MET: variants seen among roughly 807,000 people sequenced by gnomAD.
MET encodes MET proto-oncogene, receptor tyrosine kinase.
Under a neutral mutation model 133.1 loss-of-function variants are expected in MET, and 48 were observed. That is an observed-to-expected ratio of 0.36 (90% CI 0.29 to 0.46). The LOEUF is 0.46. MET is among the 20% of genes least tolerant of loss of function. The pLI, the probability that MET is intolerant of heterozygous loss-of-function variation, is 1.00. For synonymous variants in MET, 628 were observed against 616.5 expected (o/e 1.02, Z -0.28); for missense variants, 1,442 against 1,695.9 (o/e 0.85, Z 2.63).
chr7:116,679,568 A>G (rs1796276209), intron 1 of MET, among the ~76,000 whole-genome samples: 1 of 152,210 alleles, frequency 6.6e-6, no homozygotes, highest in Non-Finnish European at 1.5e-5. Flanking sequence ...GCACAGAAAA[A>G]GGGCAGGTCG....
At chr7:116,727,236 C>G (rs987506288) in intron 2 of MET, among the ~76,000 whole-genome samples, 2 of 152,110 alleles carry the variant, frequency 1.3e-5, no homozygotes, top group Non-Finnish European at 2.9e-5. Flanking sequence ...ATCCTCAGAA[C>G]GTTGCCCAGA....
At chr7:116,708,879 A>T (rs1791893980) in intron 2 of MET, among the ~76,000 whole-genome samples, 1 of 152,186 alleles carries the variant, frequency 6.6e-6, no homozygotes, top group African/African-American at 2.4e-5. Context: ...GAAACATAAG[A>T]ATCTGAGAAC....
At chr7:116,745,569 C>T (rs533600061) in intron 5 of MET, among the ~76,000 whole-genome samples, 20 of 152,136 alleles carry the variant, frequency 1.3e-4, no homozygotes, top group East Asian at 5.8e-4. Context: ...ATGGTACTGG[C>T]ACCAAAACAG....
At chr7:116,685,144 T>C (rs772251732) in intron 1 of MET, among the ~76,000 whole-genome samples, 7 of 152,126 alleles carry the variant, frequency 4.6e-5, no homozygotes, top group Admixed American at 1.3e-4. Flanking sequence ...TCCTTCTTGG[T>C]CTCTTGTCCC....
intron 11 of MET, among the ~76,000 whole-genome samples, chr7:116,765,305 A>C (rs1021665656): frequency 2.0e-5 from 3 of 151,784 alleles, no homozygotes; most frequent in East Asian, 1.9e-4. Flanking sequence ...AAAAAAAAAA[A>C]AAACCACGTA....
At chr7:116,735,189 C>T (rs1261119813) in intron 3 of MET, among the ~76,000 whole-genome samples, 2 of 152,182 alleles carry the variant, frequency 1.3e-5, no homozygotes, top group Non-Finnish European at 2.9e-5. Flanking sequence ...TACTGGGCTC[C>T]GTGGTTCCAT....
At chr7:116,677,610 G>A (rs1796205579) in intron 1 of MET, among the ~76,000 whole-genome samples, 1 of 152,250 alleles carries the variant, frequency 6.6e-6, no homozygotes, top group African/African-American at 2.4e-5. Flanking sequence ...CAGAAAGTCT[G>A]CAAGCCAGAT....
At chr7:116,756,043 T>C (rs1794166656) in intron 6 of MET, among the ~76,000 whole-genome samples, 1 of 152,238 alleles carries the variant, frequency 6.6e-6, no homozygotes, top group South Asian at 2.1e-4. Flanking sequence ...TGTATCTCAC[T>C]GAACCATCCC....
At chr7:116,789,440 C>T (rs1010060953) in intron 19 of MET, among the ~76,000 whole-genome samples, 1 of 152,176 alleles carries the variant, frequency 6.6e-6, no homozygotes, top group Non-Finnish European at 1.5e-5. Context: ...TCATTCTTTT[C>T]AGTGTTCGGT....
chr7:116,754,951 G>GAAAGAAAAAA (rs1169306917), intron 5 of MET, among the ~76,000 whole-genome samples: 1 of 110,512 alleles, frequency 9.0e-6, no homozygotes, highest in Non-Finnish European at 1.9e-5. Context: ...AAGAAAGAAA[G>GAAAGAAAAAA]AGAAAGAAAG....
chr7:116,757,092 A>G (rs1794206840), intron 6 of MET, among the ~76,000 whole-genome samples: 1 of 151,882 alleles, frequency 6.6e-6, no homozygotes, highest in African/African-American at 2.4e-5. Flanking sequence ...TTTTTTTTTA[A>G]TTAACCAGAT....
In MET at chr7:116,699,184, G is replaced by C. The variant is rs764246939; in HGVS notation, c.100G>C (p.Glu34Gln). ...GECKEALAKSEMNVNMKYQLP... is the reference protein window; with the variant it reads ...GECKEALAKSQMNVNMKYQLP... ...GTGTAAAGAGGCACTAGCAAAGTCC[G>C]AGATGAATGTGAATATGAAGTATCA... is the stretch of plus-strand genomic sequence containing the variant. The change falls in exon 2 of 21, where the codon GAG becomes CAG. Residue 34 changes from glutamate (E) to glutamine (Q), a missense_variant. Physicochemically the swap from Glu to Gln is conservative, Grantham distance 29. Coordinates refer to ENST00000397752, the MANE Select transcript of MET (RefSeq NM_000245.4). The C allele has an allele frequency of 6.2e-7, 1 of 1,613,924 alleles. No individual in the cohort carries two copies.
chr7:116,696,358 CAT>C (rs1481953607), intron 1 of MET, among the ~76,000 whole-genome samples: 1 of 152,144 alleles, frequency 6.6e-6, no homozygotes, highest in Admixed American at 6.6e-5. Context: ...TGCCAATAAT[CAT>C]ATGTCTTTCC....
In MET at chr7:116,672,564, C is replaced by T; in HGVS notation, c.-28C>T. ...GCGCCGCTGACTTCTCCACTGGTTC[C>T]TGGGCACCGAAAGGTAAAATTGCAG... On this transcript the variant is annotated 5_prime_UTR_variant, in exon 1 of 21. Coordinates refer to ENST00000397752, the MANE Select transcript of MET (RefSeq NM_000245.4). The T allele has an allele frequency of 5.1e-6, 2 of 394,440 alleles. No homozygotes were observed. Among genetic ancestry groups the T allele is most frequent in the Non-Finnish European group, 9.0e-6 (2 of 223,344 alleles). 24.4% of individuals were successfully genotyped at this position (394,440 alleles called of 1,614,324 possible).
intron 2 of MET, among the ~76,000 whole-genome samples, chr7:116,725,226 A>G (rs1387070309): frequency 6.6e-6 from 1 of 152,136 alleles, no homozygotes; most frequent in Non-Finnish European, 1.5e-5. Flanking sequence ...AATGATCATA[A>G]CAAACCCAAG....
At chr7:116,686,959 G>A (rs969793803) in intron 1 of MET, among the ~76,000 whole-genome samples, 17 of 152,164 alleles carry the variant, frequency 1.1e-4, no homozygotes, top group Non-Finnish European at 1.3e-4. Context: ...CCTTGGCCCC[G>A]CTTTCTGTCT....
At chr7:116,680,118 G>T (rs1796295651) in intron 1 of MET, among the ~76,000 whole-genome samples, 2 of 152,020 alleles carry the variant, frequency 1.3e-5, no homozygotes, top group South Asian at 4.2e-4. Context: ...TGTTAATAGG[G>T]TCTTAAAATA....
chr7:116,758,805 T>C (rs1794287117), intron 9 of MET, among the ~76,000 whole-genome samples, 185 bp downstream of exon 9: 1 of 152,222 alleles, frequency 6.6e-6, no homozygotes, highest in South Asian at 2.1e-4. Context: ...GACTTATCAA[T>C]GCTAGTTCAT....
intron 16 of MET, among the ~76,000 whole-genome samples, chr7:116,778,031 G>C: frequency 6.6e-6 from 1 of 152,160 alleles, no homozygotes; most frequent in South Asian, 2.1e-4. Context: ...TTTAATGCTG[G>C]AACATTACTT....
Sources: gnomAD v4.1 joint callset for allele counts (sites outside exome capture counted in the v4.1 genomes callset) on GRCh38, gnomAD v4.1.1 for gene constraint, MANE v1.5 for transcripts, NCBI Gene and HGNC (gene_info 2026-07-23, HGNC 2026-07-21) for gene names.